MGAT4C: variants seen among roughly 807,000 people sequenced by gnomAD.
The protein encoded by MGAT4C is alpha-1,3-mannosyl-glycoprotein 4-beta-N-acetylglucosaminyltransferase C.
A neutral mutation model predicts 40.1 loss-of-function variants in MGAT4C; 19 were observed. That is an observed-to-expected ratio of 0.47 (90% CI 0.33 to 0.70). The LOEUF is 0.70. MGAT4C is among the 30% of genes least tolerant of loss of function. The pLI is 0.02. For missense variants in MGAT4C, 491 were observed against 563.2 expected (o/e 0.87, Z 1.30); for synonymous variants, 181 against 187.1 (o/e 0.97, Z 0.27).
intron 1 of MGAT4C, among the ~76,000 whole-genome samples, chr12:86,221,841 C>G (rs1950889121): frequency 6.6e-6 from 1 of 152,212 alleles, no homozygotes; most frequent in South Asian, 2.1e-4. Flanking sequence ...CTGCAGGATT[C>G]ATGTCTTGTT....
At chr12:86,043,712 GT>G (rs1892101211) in intron 2 of MGAT4C, among the ~76,000 whole-genome samples, 1 of 152,140 alleles carries the variant, frequency 6.6e-6, no homozygotes, top group Non-Finnish European at 1.5e-5. Context: ...CTCCAATATG[GT>G]TTTCAAGTTG....
At chr12:86,644,996 G>T (rs1290009450) in intron 2 of MGAT4C, among the ~76,000 whole-genome samples, 2 of 151,556 alleles carry the variant, frequency 1.3e-5, no homozygotes, top group African/African-American at 4.8e-5. Context: ...TTTGTATGTT[G>T]TGCTTCCATG....
intron 1 of MGAT4C, among the ~76,000 whole-genome samples, chr12:86,194,068 T>C (rs1297419625): frequency 6.6e-6 from 1 of 152,142 alleles, no homozygotes; most frequent in East Asian, 1.9e-4. Flanking sequence ...CTTTGTAATG[T>C]ATTTTTTTCT....
intron 4 of MGAT4C, among the ~76,000 whole-genome samples, chr12:86,281,599 G>A (rs1006205350): frequency 2.0e-5 from 3 of 151,748 alleles, no homozygotes; most frequent in Non-Finnish European, 4.4e-5. Flanking sequence ...GCCCAAGCTG[G>A]TCTCGAACTC....
At chr12:86,798,355 T>C (rs1340041814) in intron 1 of MGAT4C, among the ~76,000 whole-genome samples, 1 of 151,982 alleles carries the variant, frequency 6.6e-6, no homozygotes, top group African/African-American at 2.4e-5. Flanking sequence ...TCTTCCTCTT[T>C]AATGAATCTA....
chr12:86,005,621 A>G (rs1184671381), intron 2 of MGAT4C, among the ~76,000 whole-genome samples: 3 of 152,182 alleles, frequency 2.0e-5, no homozygotes, highest in African/African-American at 7.2e-5. Context: ...GGGAACCTCA[A>G]GAAGACAGGA....
At chr12:86,811,582 T>C (rs1164524929) in intron 1 of MGAT4C, among the ~76,000 whole-genome samples, 3 of 151,288 alleles carry the variant, frequency 2.0e-5, no homozygotes, top group African/African-American at 7.3e-5. Flanking sequence ...CCTAAAGTGA[T>C]CTGTCTGCCT....
intron 2 of MGAT4C, among the ~76,000 whole-genome samples, chr12:86,565,801 T>G (rs990385823): frequency 1.3e-5 from 2 of 152,122 alleles, no homozygotes; most frequent in Non-Finnish European, 2.9e-5. Flanking sequence ...TAGGATGACT[T>G]GTTCTGTGGA....
At chr12:86,427,309 T>C (rs111897220) in intron 3 of MGAT4C, among the ~76,000 whole-genome samples, 2,623 of 152,240 alleles carry the variant, frequency 0.017, 72 homozygotes, top group African/African-American at 0.059. Context: ...TTATACATAA[T>C]ATTATAATGC....
intron 1 of MGAT4C, among the ~76,000 whole-genome samples, chr12:86,188,787 T>C (rs973563565): frequency 6.6e-6 from 1 of 151,932 alleles, no homozygotes; most frequent in Non-Finnish European, 1.5e-5. Flanking sequence ...TCTGAGTTTA[T>C]TGGAAGGGAA....
chr12:86,248,836 T>C (rs958625035), intron 1 of MGAT4C, among the ~76,000 whole-genome samples: 2 of 152,156 alleles, frequency 1.3e-5, no homozygotes, highest in Admixed American at 6.6e-5. Flanking sequence ...AAACTTAGAA[T>C]AAATTTCTGG....
intron 2 of MGAT4C, among the ~76,000 whole-genome samples, chr12:86,688,392 T>C (rs1466371704): frequency 6.6e-6 from 1 of 152,146 alleles, no homozygotes; most frequent in African/African-American, 2.4e-5. Flanking sequence ...GTCATTATGA[T>C]GCCAGCTGGT....
At position 85,961,549 on chromosome 12, in the gene MGAT4C, A is replaced by G. The variant is rs1210388866; in HGVS notation, c.*17740T>C. On this transcript the variant is annotated 3_prime_UTR_variant, in exon 5 of 5. Coordinates refer to ENST00000611864, the MANE Select transcript of MGAT4C (RefSeq NM_001351288.2). Reference sequence around the variant, plus strand: ...TCCTCTACCACATAATTCCTCCTATATTCTCTTTTTCTGACTGTGGCCTAA... The same window carrying G: ...TCCTCTACCACATAATTCCTCCTATGTTCTCTTTTTCTGACTGTGGCCTAA... The G allele has an allele frequency of 6.6e-6, 1 of 151,734 alleles. No homozygotes were observed. The highest frequency in any genetic ancestry group is 6.6e-5 in the Admixed American group (1 of 15,212). 9.4% of individuals were successfully genotyped at this position (151,734 alleles called of 1,614,324 possible). A position where few individuals can be genotyped will look rare whatever the true frequency, so the allele number is the denominator to read the frequency against.
intron 1 of MGAT4C, among the ~76,000 whole-genome samples, chr12:86,747,812 C>T (rs73393121): frequency 1.3e-4 from 20 of 151,052 alleles, no homozygotes; most frequent in African/African-American, 3.4e-4. Flanking sequence ...CTGGCTGATA[C>T]GTGCAATTTG....
At chr12:86,072,026 TTGTGTGTGTGTGTGTGTG>T (rs71076158) in intron 1 of MGAT4C, among the ~76,000 whole-genome samples, 1 of 148,958 alleles carries the variant, frequency 6.7e-6, no homozygotes, top group African/African-American at 2.5e-5. Flanking sequence ...GCATAGGGTT[TTGTGTGTGTGTGTGTGTG>T]TGTGTGTGTG....
At chr12:86,489,524 G>A (rs1400284643) in intron 2 of MGAT4C, among the ~76,000 whole-genome samples, 2 of 152,212 alleles carry the variant, frequency 1.3e-5, no homozygotes, top group Non-Finnish European at 2.9e-5. Context: ...ATAACACACT[G>A]CTATCTGTGG....
intron 3 of MGAT4C, among the ~76,000 whole-genome samples, chr12:86,340,484 A>C (rs935774325): frequency 2.6e-5 from 4 of 152,038 alleles, no homozygotes; most frequent in African/African-American, 7.2e-5. Flanking sequence ...CTAATTTCCA[A>C]GCAAGAAAAA....
At chr12:86,477,754 C>T (rs1424970954) in intron 2 of MGAT4C, among the ~76,000 whole-genome samples, 1 of 152,024 alleles carries the variant, frequency 6.6e-6, no homozygotes, top group Non-Finnish European at 1.5e-5. Context: ...TCTCCCCACA[C>T]CCCACAACAG....
At chr12:86,148,200 G>C (rs1883809337) in intron 1 of MGAT4C, among the ~76,000 whole-genome samples, 1 of 152,172 alleles carries the variant, frequency 6.6e-6, no homozygotes, top group African/African-American at 2.4e-5. Context: ...TCCTTAGAGA[G>C]TGAAAGGAGA....
Sources: gnomAD v4.1 joint callset for allele counts (sites outside exome capture counted in the v4.1 genomes callset) on GRCh38, gnomAD v4.1.1 for gene constraint, MANE v1.5 for transcripts, NCBI Gene and HGNC (gene_info 2026-07-23, HGNC 2026-07-21) for gene names.